Variants in PEMT observed in about 807,000 individuals in gnomAD.
PEMT encodes the protein phospholipid methyltransferase.
In PEMT, 23 loss-of-function variants were observed where a neutral mutation model predicts 27.4. The observed-to-expected ratio is 0.84, with a 90% CI of 0.60 to 1.19. The LOEUF is 1.19. Ranked by LOEUF, PEMT falls within the 50% of genes most tolerant of loss-of-function variation. The pLI, the probability that PEMT is intolerant of heterozygous loss-of-function variation, is 0.00. For synonymous variants in PEMT, 137 were observed against 139.1 expected (o/e 0.98, Z 0.11); for missense variants, 307 against 310.1 (o/e 0.99, Z 0.07).
chr17:17,567,608 C>T (rs1392269278), intron 2 of PEMT, among the ~76,000 whole-genome samples: 1 of 152,268 alleles, frequency 6.6e-6, no homozygotes, highest in Non-Finnish European at 1.5e-5. Flanking sequence ...CACTGACTGT[C>T]CCCAGCCATG....
intron 2 of PEMT, among the ~76,000 whole-genome samples, chr17:17,550,858 G>A (rs772926618): frequency 2.8e-4 from 43 of 152,318 alleles, no homozygotes; most frequent in Non-Finnish European, 4.0e-4. Flanking sequence ...TACAGAGAAA[G>A]CCCACGGAGT....
intron 2 of PEMT, among the ~76,000 whole-genome samples, chr17:17,567,719 G>A (rs570105061): frequency 6.6e-6 from 1 of 152,398 alleles, no homozygotes; most frequent in South Asian, 2.1e-4. Context: ...TATCTTAGGT[G>A]ACACTGGTCT....
At chr17:17,577,668 G>GAAA (rs4646345) in intron 1 of PEMT, among the ~76,000 whole-genome samples, 1 of 118,720 alleles carries the variant, frequency 8.4e-6, no homozygotes, top group Non-Finnish European at 1.8e-5. Context: ...AAGAAATGAA[G>GAAA]AAAAAAAAAA....
chr17:17,583,743 C>T (rs923299592), intron 1 of PEMT, among the ~76,000 whole-genome samples: 2 of 152,248 alleles, frequency 1.3e-5, no homozygotes, highest in Admixed American at 1.3e-4. Context: ...TCAACTAATA[C>T]AGGTCCCTCT....
At chr17:17,558,019 CAG>C (rs1485020480) in intron 2 of PEMT, among the ~76,000 whole-genome samples, 1 of 152,180 alleles carries the variant, frequency 6.6e-6, no homozygotes, top group Non-Finnish European at 1.5e-5. Context: ...GCAGGACAGT[CAG>C]AGGAGCCAGC....
intron 2 of PEMT, among the ~76,000 whole-genome samples, chr17:17,539,073 A>G (rs1348477326): frequency 1.3e-5 from 2 of 152,220 alleles, no homozygotes; most frequent in African/African-American, 4.8e-5. Flanking sequence ...AATCATTTTT[A>G]GGTCAGATTT....
At chr17:17,544,814 C>G (rs1909138240) in intron 2 of PEMT, among the ~76,000 whole-genome samples, 1 of 152,198 alleles carries the variant, frequency 6.6e-6, no homozygotes, top group Admixed American at 6.5e-5. Flanking sequence ...GAACCAGGAC[C>G]ATCATCCATG....
rs898742533 is a variant in PEMT, at chr17:17,512,257, A to G, written c.466+252T>C. Among the ~76,000 whole-genome samples, 1 of 152,174 alleles carries G rather than the reference A, an allele frequency of 6.6e-6. No individual in the cohort carries two copies. The highest frequency in any genetic ancestry group is 1.5e-5 in the Non-Finnish European group (1 of 68,018). ...GAGTGCATCTTCATTAGCTGGAGAG[A>G]AGCAGCAGGAGCTGCCTTCACTCCC... On this transcript the variant is annotated intron_variant, in intron 4 of 6. Coordinates refer to ENST00000255389, the MANE Select transcript of PEMT (RefSeq NM_148172.3). This position sits in a 1 kb window ranked among gnomAD's most constrained non-coding sequence, Gnocchi z 6.3.
chr17:17,521,160 C>T (rs910881462), intron 3 of PEMT, among the ~76,000 whole-genome samples: 8 of 152,204 alleles, frequency 5.3e-5, no homozygotes, highest in South Asian at 4.1e-4. Context: ...GAGCGCTCCA[C>T]GTGGGGTGTG....
At chr17:17,534,564 C>G (rs1908323498) in intron 2 of PEMT, among the ~76,000 whole-genome samples, 1 of 152,238 alleles carries the variant, frequency 6.6e-6, no homozygotes, top group Non-Finnish European at 1.5e-5. Context: ...CACAGCGGCT[C>G]TTGCCTGTAA....
Position 17,522,264 on chromosome 17 carries a change from A to T in PEMT, c.320+16T>A. The T allele has an allele frequency of 6.4e-7, 1 of 1,570,270 alleles. No individual in the cohort carries two copies. Among genetic ancestry groups the T allele is most frequent in the Non-Finnish European group, 8.8e-7 (1 of 1,139,952 alleles). The stretch of plus-strand genomic sequence containing the variant: ...GCCCAGGGGTTGTGGCTCCCCAGTG[A>T]GAGAGCTGTGCTTACCAGTGCGAGC... On this transcript the variant is annotated intron_variant, in intron 3 of 6. Coordinates refer to ENST00000255389, the MANE Select transcript of PEMT (RefSeq NM_148172.3).
chr17:17,531,440 C>CCA (rs972889255), intron 2 of PEMT, among the ~76,000 whole-genome samples: 1 of 150,678 alleles, frequency 6.6e-6, no homozygotes, highest in Admixed American at 6.6e-5. Context: ...CAGATGGAAA[C>CCA]CACAAATAGA....
intron 1 of PEMT, among the ~76,000 whole-genome samples, chr17:17,577,236 C>T (rs949733777): frequency 5.9e-5 from 9 of 152,148 alleles, no homozygotes; most frequent in African/African-American, 1.9e-4. Context: ...AGGGCGGCCG[C>T]AGAAATGTGC....
chr17:17,522,069 C>A (rs895654650), intron 3 of PEMT, among the ~76,000 whole-genome samples: 1 of 152,170 alleles, frequency 6.6e-6, no homozygotes, highest in Non-Finnish European at 1.5e-5. Context: ...ATTCACATAC[C>A]CCCATTCCTG....
At chr17:17,516,175 C>T (rs182172555) in intron 3 of PEMT, among the ~76,000 whole-genome samples, 1 of 151,404 alleles carries the variant, frequency 6.6e-6, no homozygotes, top group East Asian at 2.0e-4. Flanking sequence ...CATCCTTCAC[C>T]CCAGGCTTGG....
chr17:17,552,893 C>A (rs1295731025), intron 2 of PEMT, among the ~76,000 whole-genome samples: 1 of 152,204 alleles, frequency 6.6e-6, no homozygotes, highest in Non-Finnish European at 1.5e-5. Flanking sequence ...CTGCTCCCTG[C>A]ATCCCTCATC....
chr17:17,544,362 C>T (rs559933294), intron 2 of PEMT, among the ~76,000 whole-genome samples: 86 of 150,676 alleles, frequency 5.7e-4, no homozygotes, highest in Non-Finnish European at 1.1e-3. Context: ...CTCACTGCAA[C>T]CTCCACCTCC....
chr17:17,512,928 A>G lies in PEMT; in HGVS notation c.321-274T>C, dbSNP rs1906529675. Among the ~76,000 whole-genome samples, 2 of 152,214 alleles carry G rather than the reference A, an allele frequency of 1.3e-5. No homozygotes were observed. The highest frequency in any genetic ancestry group is 2.9e-5 in the Non-Finnish European group (2 of 68,034). ...ATGTGAAATATCCTAATTTTTAGAA[A>G]TAGACAATTCATGAAAGCCACTTTA... On this transcript the variant is annotated intron_variant, in intron 3 of 6. Coordinates refer to ENST00000255389, the MANE Select transcript of PEMT (RefSeq NM_148172.3). This position sits in a 1 kb window ranked among gnomAD's most constrained non-coding sequence, Gnocchi z 6.3.
rs531246738 is a variant in PEMT at position 17,562,891 on chromosome 17, A to G, written c.204+14029T>C. Among the ~76,000 whole-genome samples the G allele has an allele frequency of 1.6e-3, 248 of 152,060 alleles. 1 individual carries two copies. Among genetic ancestry groups the G allele is most frequent in the African/African-American group, 5.9e-3 (243 of 41,468 alleles). The stretch of plus-strand genomic sequence containing the variant: ...GGCCATTTCCCCATCCCCCTGCCCC[A>G]TGTGGCTTCTCTGATGTCAGGCATG... On this transcript the variant is annotated intron_variant, in intron 2 of 6. Coordinates refer to ENST00000255389, the MANE Select transcript of PEMT (RefSeq NM_148172.3).
Sources: gnomAD v4.1 joint callset for allele counts (sites outside exome capture counted in the v4.1 genomes callset) on GRCh38, gnomAD v4.1.1 for gene constraint, Gnocchi (gnomAD v3.1) non-coding constraint, MANE v1.5 for transcripts, NCBI Gene and HGNC (gene_info 2026-07-23, HGNC 2026-07-21) for gene names.